The following ARL15 variants were observed in gnomAD, a reference collection of about 807,000 sequenced individuals.
ARL15 encodes ARF like GTPase 15.
Under a neutral mutation model 25.2 loss-of-function variants are expected in ARL15, and 19 were observed. The observed-to-expected ratio is 0.75, with a 90% CI of 0.53 to 1.10. The LOEUF (loss-of-function observed/expected upper bound fraction) is 1.10. ARL15 is among the 50% of genes least tolerant of loss of function. ARL15 has a pLI of 0.00. For synonymous variants in ARL15, 94 were observed against 86.8 expected (o/e 1.08, Z -0.46); for missense variants, 220 against 246.0 (o/e 0.89, Z 0.71).
chr5:54,036,405 A>G (rs1054146982), intron 4 of ARL15, among the ~76,000 whole-genome samples: 1 of 152,176 alleles, frequency 6.6e-6, no homozygotes, highest in Non-Finnish European at 1.5e-5. Flanking sequence ...ATCAGATTTA[A>G]AAGATATAGT....
chr5:54,049,684 T>C (rs1750646953), intron 4 of ARL15, among the ~76,000 whole-genome samples: 1 of 152,064 alleles, frequency 6.6e-6, no homozygotes, highest in Non-Finnish European at 1.5e-5. Flanking sequence ...CACTACAACC[T>C]CTGCCTCCCA....
chr5:54,067,880 TTC>T (rs1751292269), intron 4 of ARL15, among the ~76,000 whole-genome samples: 1 of 152,162 alleles, frequency 6.6e-6, no homozygotes, highest in South Asian at 2.1e-4. Flanking sequence ...CACACATTCA[TTC>T]ACTCACCAAA....
chr5:54,207,780 T>A (rs149028758), intron 1 of ARL15, among the ~76,000 whole-genome samples: 1 of 152,138 alleles, frequency 6.6e-6, no homozygotes, highest in African/African-American at 2.4e-5. Flanking sequence ...AGATCCCTTA[T>A]AAATGGGCAT....
At chr5:54,223,472 T>C (rs1756435271) in intron 1 of ARL15, among the ~76,000 whole-genome samples, 2 of 152,326 alleles carry the variant, frequency 1.3e-5, no homozygotes, top group Non-Finnish European at 1.5e-5. Context: ...AGAGTTTCTT[T>C]AAATAGGTCA....
intron 4 of ARL15, among the ~76,000 whole-genome samples, chr5:53,967,662 G>C (rs1486097375): frequency 6.6e-6 from 1 of 152,184 alleles, no homozygotes; most frequent in Non-Finnish European, 1.5e-5. Flanking sequence ...TGGATACACA[G>C]AGCTGCCTTC....
At position 53,962,595 on chromosome 5, in the gene ARL15, C is replaced by T. The variant is rs146977612; in HGVS notation, c.463-75882G>A. Reference sequence around the variant, plus strand: ...CAAAACCAAAACATTTGTTCATCATCTCTATGCAAGGATTGATCAGAAATA... The same window carrying T: ...CAAAACCAAAACATTTGTTCATCATTTCTATGCAAGGATTGATCAGAAATA... On this transcript the variant is annotated intron_variant, in intron 4 of 4. Transcript: ENST00000504924. Among the ~76,000 whole-genome samples the T allele has an allele frequency of 2.7e-3, 408 of 152,258 alleles. 3 individuals are homozygous for T. The highest frequency in any genetic ancestry group is 5.6e-3 in the Admixed American group (85 of 15,298).
chr5:53,928,861 G>A (rs950375485), intron 4 of ARL15, among the ~76,000 whole-genome samples: 11 of 152,086 alleles, frequency 7.2e-5, no homozygotes, highest in African/African-American at 2.7e-4. Flanking sequence ...CCGAGTCCAC[G>A]CTCAGAATGA....
At chr5:54,288,606 G>A (rs1453067204) in intron 1 of ARL15, among the ~76,000 whole-genome samples, 1 of 152,188 alleles carries the variant, frequency 6.6e-6, no homozygotes, top group East Asian at 1.9e-4. Flanking sequence ...CAATCATTAT[G>A]AGCAAGTGCA....
chr5:53,964,434 A>T (rs866193787), intron 4 of ARL15, among the ~76,000 whole-genome samples: 8 of 152,020 alleles, frequency 5.3e-5, no homozygotes, highest in African/African-American at 1.9e-4. Context: ...ATCTCGGCTC[A>T]CTGCATGCTC....
chr5:54,071,979 GAAAAAAAAAAA>G (rs71989027), intron 4 of ARL15, among the ~76,000 whole-genome samples: 2 of 126,176 alleles, frequency 1.6e-5, no homozygotes, highest in Admixed American at 8.1e-5. Context: ...CTCAAAAAAA[GAAAAAAAAAAA>G]AAAAAGAAAA....
Position 54,171,911 on chromosome 5 carries a change from G to A in ARL15, c.66C>T (p.Cys22=). The change falls in exon 2 of 5, where the codon TGC becomes TGT. Residue 22 remains cysteine, a synonymous_variant. Transcript: ENST00000504924. ...GTCGTGCAGGTGGTGGTCCCTTGCA[G>A]CAAAGTGCTCTAAAACACTGCCAAA... is the stretch of plus-strand genomic sequence containing the variant. ...YMDYLCFRAL[C]CKGPPPARPE... The A allele has an allele frequency of 1.9e-6, 3 of 1,612,814 alleles. No homozygotes were observed. The highest frequency in any genetic ancestry group is 2.5e-6 in the Non-Finnish European group (3 of 1,179,142).
intron 4 of ARL15, among the ~76,000 whole-genome samples, chr5:53,961,991 A>G (rs1747387961): frequency 6.6e-6 from 1 of 152,212 alleles, no homozygotes; most frequent in African/African-American, 2.4e-5. Context: ...ACTGATAGGC[A>G]TTTAGGTTAT....
intron 4 of ARL15, among the ~76,000 whole-genome samples, chr5:53,952,849 G>C (rs1330104098): frequency 6.6e-6 from 1 of 152,184 alleles, no homozygotes; most frequent in Non-Finnish European, 1.5e-5. Context: ...GTGTGTTTAA[G>C]TATGTGAAAA....
At chr5:54,224,140 G>A (rs1756453516) in intron 1 of ARL15, among the ~76,000 whole-genome samples, 2 of 152,144 alleles carry the variant, frequency 1.3e-5, no homozygotes, top group African/African-American at 2.4e-5. Flanking sequence ...GAGGAGGAGC[G>A]AAGGCAATCA....
chr5:54,106,096 G>A (rs190735939), intron 4 of ARL15, among the ~76,000 whole-genome samples: 9 of 152,214 alleles, frequency 5.9e-5, no homozygotes, highest in African/African-American at 1.9e-4. Flanking sequence ...CTGATATGGT[G>A]TTAAAAAAAG....
intron 3 of ARL15, among the ~76,000 whole-genome samples, chr5:54,117,228 C>T (rs1013227595): frequency 6.6e-6 from 1 of 152,080 alleles, no homozygotes; most frequent in African/African-American, 2.4e-5. Context: ...AATTTGGTTG[C>T]ATGTTTTACT....
chr5:54,004,597 C>T lies in ARL15; in HGVS notation c.462+108605G>A, dbSNP rs889252712. On this transcript the variant is annotated intron_variant, in intron 4 of 4. Coordinates refer to ENST00000504924, the MANE Select transcript of ARL15 (RefSeq NM_019087.3). Reference sequence around the variant, plus strand: ...GCCCAGTGGCTTCGGTGGCAGATCTCAAGTCCACACTGTTATCCACTTATG... The same window carrying T: ...GCCCAGTGGCTTCGGTGGCAGATCTTAAGTCCACACTGTTATCCACTTATG... Among the ~76,000 whole-genome samples the T allele has an allele frequency of 1.6e-4, 24 of 152,198 alleles. 1 individual carries two copies. The highest frequency in any genetic ancestry group is 1.4e-3 in the Admixed American group (21 of 15,296).
At chr5:53,987,411 T>C (rs1748332395) in intron 4 of ARL15, among the ~76,000 whole-genome samples, 1 of 152,122 alleles carries the variant, frequency 6.6e-6, no homozygotes, top group East Asian at 1.9e-4. Context: ...GGCTCACACA[T>C]GCATGCGCAC....
chr5:53,999,148 C>T (rs143859456), intron 4 of ARL15, among the ~76,000 whole-genome samples: 148 of 152,014 alleles, frequency 9.7e-4, no homozygotes, highest in Middle Eastern at 3.4e-3. Context: ...GACCAACATT[C>T]GGTAAGTGTC....
Sources: gnomAD v4.1 joint callset for allele counts (sites outside exome capture counted in the v4.1 genomes callset) on GRCh38, gnomAD v4.1.1 for gene constraint, MANE v1.5 for transcripts, NCBI Gene and HGNC (gene_info 2026-07-23, HGNC 2026-07-21) for gene names.